The following MAGI1 variants were observed in gnomAD, a reference collection of about 807,000 sequenced individuals.
The protein encoded by MAGI1 is membrane-associated guanylate kinase, WW and PDZ domain-containing protein 1.
In MAGI1, 58 loss-of-function variants were observed where a neutral mutation model predicts 139.9. The observed-to-expected ratio is 0.41, with a 90% confidence interval of 0.34 to 0.52. The LOEUF is 0.52. Among genes scored for constraint, MAGI1 ranks in the 20% least tolerant of loss-of-function variants. The pLI, the probability that MAGI1 is intolerant of heterozygous loss-of-function variation, is 0.12. For synonymous variants in MAGI1, 812 were observed against 737.9 expected, an observed-to-expected ratio of 1.10 and a Z score of -1.63; for missense variants, 1,874 against 1,901.6, an observed-to-expected ratio of 0.99 and a Z score of 0.27.
chr3:65,811,394 CCAA>C (rs2041224849), intron 1 of MAGI1, among the ~76,000 whole-genome samples: 1 of 152,190 alleles, frequency 6.6e-6, no homozygotes, highest in Non-Finnish European at 1.5e-5. Context: ...AGCCCAGAAG[CCAA>C]CCCTCTTCTT....
At chr3:65,644,988 C>T (rs1050903274) in intron 1 of MAGI1, among the ~76,000 whole-genome samples, 12 of 147,348 alleles carry the variant, frequency 8.1e-5, no homozygotes, top group Non-Finnish European at 1.8e-4. Context: ...CAAAGTAAGA[C>T]TCCATCTCAA....
intron 2 of MAGI1, among the ~76,000 whole-genome samples, chr3:65,555,572 C>A (rs1256514509): frequency 6.6e-6 from 1 of 152,116 alleles, no homozygotes; most frequent in African/African-American, 2.4e-5. Flanking sequence ...AAAATATGAA[C>A]ACCCAGCCTG....
At chr3:66,033,163 G>T (rs1459082320) in intron 1 of MAGI1, among the ~76,000 whole-genome samples, 2 of 151,900 alleles carry the variant, frequency 1.3e-5, no homozygotes, top group South Asian at 2.1e-4. Context: ...GAGTAGCTGG[G>T]ACTACAGAAG....
chr3:65,962,418 G>A (rs2064486313), intron 1 of MAGI1, among the ~76,000 whole-genome samples: 2 of 151,950 alleles, frequency 1.3e-5, no homozygotes, highest in Admixed American at 1.3e-4. Context: ...ACCGCGCCCG[G>A]CCTCTGAATT....
chr3:65,841,450 TTTG>T (rs1402279934), intron 1 of MAGI1, among the ~76,000 whole-genome samples: 2 of 107,240 alleles, frequency 1.9e-5, no homozygotes, highest in Non-Finnish European at 4.1e-5. Context: ...TGTTTTTGTT[TTTG>T]TTTTTTTTTT....
At chr3:65,730,469 GAAGGGA>G (rs975257806) in intron 1 of MAGI1, among the ~76,000 whole-genome samples, 4 of 152,176 alleles carry the variant, frequency 2.6e-5, no homozygotes, top group African/African-American at 9.7e-5. Flanking sequence ...CTTTACTAAG[GAAGGGA>G]ATCTCTTCTA....
At chr3:65,762,122 C>T (rs996230152) in intron 1 of MAGI1, among the ~76,000 whole-genome samples, 1 of 152,106 alleles carries the variant, frequency 6.6e-6, no homozygotes, top group Non-Finnish European at 1.5e-5. Flanking sequence ...CCCAGAATGG[C>T]TGCATTTCAC....
At chr3:65,981,864 C>T (rs1381806568) in intron 1 of MAGI1, among the ~76,000 whole-genome samples, 2 of 152,154 alleles carry the variant, frequency 1.3e-5, no homozygotes, top group Non-Finnish European at 2.9e-5. Context: ...TCCATTAAAC[C>T]TATTTTTCTT....
At chr3:65,451,404 T>G (rs1949025044) in intron 6 of MAGI1, among the ~76,000 whole-genome samples, 1 of 152,224 alleles carries the variant, frequency 6.6e-6, no homozygotes, top group African/African-American at 2.4e-5. Context: ...TTGAATGTGT[T>G]TTATGCTATG....
intron 1 of MAGI1, among the ~76,000 whole-genome samples, chr3:65,855,906 C>T (rs1224018401): frequency 6.6e-6 from 1 of 151,866 alleles, no homozygotes; most frequent in East Asian, 2.0e-4. Flanking sequence ...CTGGAAGCTT[C>T]TCGCATGCCA....
intron 2 of MAGI1, among the ~76,000 whole-genome samples, chr3:65,589,485 T>C (rs2081859065): frequency 6.6e-6 from 1 of 152,148 alleles, no homozygotes; most frequent in Admixed American, 6.5e-5. Context: ...AAATATTTAT[T>C]TATTGGGTAT....
chr3:66,007,160 G>A (rs2067066115), intron 1 of MAGI1, among the ~76,000 whole-genome samples: 1 of 151,974 alleles, frequency 6.6e-6, no homozygotes, highest in Non-Finnish European at 1.5e-5. Context: ...CATATGTCAC[G>A]TAAAGTCTAT....
At chr3:65,589,350 T>C (rs2081851537) in intron 2 of MAGI1, among the ~76,000 whole-genome samples, 1 of 152,188 alleles carries the variant, frequency 6.6e-6, no homozygotes, top group Admixed American at 6.5e-5. Context: ...GACAGCCCAC[T>C]TGCATGCCCC....
At chr3:65,957,436 G>A (rs958674766) in intron 1 of MAGI1, among the ~76,000 whole-genome samples, 1 of 149,016 alleles carries the variant, frequency 6.7e-6, no homozygotes, top group Non-Finnish European at 1.5e-5. Flanking sequence ...TGGGAAGATC[G>A]CTTGAGCCTG....
chr3:65,785,193 A>G (rs2039284879), intron 1 of MAGI1, among the ~76,000 whole-genome samples: 1 of 150,812 alleles, frequency 6.6e-6, no homozygotes, highest in Non-Finnish European at 1.5e-5. Context: ...CTTACTAAGT[A>G]ATTTTTATTT....
chr3:65,543,785 G>A (rs1044724148), intron 2 of MAGI1, among the ~76,000 whole-genome samples: 1 of 152,034 alleles, frequency 6.6e-6, no homozygotes, highest in Non-Finnish European at 1.5e-5. Flanking sequence ...ATAGCATTTG[G>A]AGAAATACCT....
chr3:66,015,885 A>G (rs1286676088), intron 1 of MAGI1, among the ~76,000 whole-genome samples: 1 of 152,236 alleles, frequency 6.6e-6, no homozygotes, highest in Non-Finnish European at 1.5e-5. Context: ...CTCTATCATC[A>G]TTTGTAGCTT....
chr3:65,772,191 G>A (rs140334003), intron 1 of MAGI1, among the ~76,000 whole-genome samples: 13 of 152,162 alleles, frequency 8.5e-5, no homozygotes, highest in Middle Eastern at 3.4e-3. Context: ...GCAAGACTCC[G>A]TCTCAAGAAA....
At chr3:65,523,096 G>C (rs1408214682) in intron 2 of MAGI1, among the ~76,000 whole-genome samples, 1 of 151,994 alleles carries the variant, frequency 6.6e-6, no homozygotes, top group Non-Finnish European at 1.5e-5. Context: ...ATATTTCCTG[G>C]GTGCTAAAGA....
Sources: allele counts gnomAD v4.1 joint callset (sites outside exome capture counted in the v4.1 genomes callset), GRCh38; gene constraint gnomAD v4.1.1; transcripts MANE v1.5; gene names NCBI Gene and HGNC (gene_info 2026-07-23, HGNC 2026-07-21).